The following UTRN variants were observed in gnomAD, a reference collection of about 807,000 sequenced individuals.
UTRN encodes dystrophin-related protein 1.
A neutral mutation model predicts 463.9 loss-of-function variants in UTRN; 283 were observed. The ratio of observed to expected loss-of-function variants is 0.61; its 90% confidence interval spans 0.55 to 0.67. The LOEUF is 0.67. Among genes scored for constraint, UTRN ranks in the 30% least tolerant of loss-of-function variants. The pLI, the probability that UTRN is intolerant of heterozygous loss-of-function variation, is 0.00. For synonymous variants in UTRN, 1,442 were observed against 1,431.5 expected (o/e 1.01, Z -0.17); for missense variants, 3,922 against 4,084.3 (o/e 0.96, Z 1.08).
At chr6:144,768,676 G>A (rs1051061548) in intron 58 of UTRN, among the ~76,000 whole-genome samples, 11 of 152,150 alleles carry the variant, frequency 7.2e-5, no homozygotes, top group African/African-American at 2.7e-4. Flanking sequence ...ATAATCAATT[G>A]CATTCCACTG....
At chr6:144,824,615 T>TATATATATATATA (rs1380172617) in intron 66 of UTRN, among the ~76,000 whole-genome samples, 2 of 30,740 alleles carry the variant, frequency 6.5e-5, no homozygotes, top group Non-Finnish European at 9.8e-5. Flanking sequence ...TATATATATC[T>TATATATATATATA]TTTTTTTTTT....
chr6:144,442,769 G>A (rs1229586252), intron 13 of UTRN, among the ~76,000 whole-genome samples: 1 of 152,202 alleles, frequency 6.6e-6, no homozygotes, highest in Non-Finnish European at 1.5e-5. Flanking sequence ...AACTGTGGTA[G>A]TTATAATGCA....
At chr6:144,695,066 GC>G (rs1783847349) in intron 52 of UTRN, among the ~76,000 whole-genome samples, 1 of 149,144 alleles carries the variant, frequency 6.7e-6, no homozygotes, top group Non-Finnish European at 1.5e-5. Flanking sequence ...TTCACATTAT[GC>G]TTTTATTGCG....
intron 53 of UTRN, among the ~76,000 whole-genome samples, chr6:144,727,219 C>T (rs1034105008): frequency 6.6e-6 from 1 of 152,158 alleles, no homozygotes. Context: ...GCCTTTATGT[C>T]CCGTCTTCTC....
At chr6:144,307,339 G>T (rs890849158) in intron 2 of UTRN, among the ~76,000 whole-genome samples, 1 of 152,126 alleles carries the variant, frequency 6.6e-6, no homozygotes, top group African/African-American at 2.4e-5. Context: ...GAGAGAAGAG[G>T]TTAACAATAA....
chr6:144,601,238 A>G (rs946615230), intron 51 of UTRN, among the ~76,000 whole-genome samples: 4 of 152,214 alleles, frequency 2.6e-5, no homozygotes, highest in Non-Finnish European at 4.4e-5. Context: ...TATTTAAGAA[A>G]TGTTTCATAA....
chr6:144,712,535 T>G (rs1189843412), intron 53 of UTRN, among the ~76,000 whole-genome samples: 1 of 152,234 alleles, frequency 6.6e-6, no homozygotes. Flanking sequence ...ATAATTTATT[T>G]TATCTAGCAG....
At chr6:144,322,795 T>C (rs1299504778) in intron 2 of UTRN, among the ~76,000 whole-genome samples, 1 of 151,890 alleles carries the variant, frequency 6.6e-6, no homozygotes, top group Non-Finnish European at 1.5e-5. Context: ...TATAAAAAAT[T>C]AGCCAGGCGT....
intron 52 of UTRN, among the ~76,000 whole-genome samples, chr6:144,693,388 T>C (rs906951891): frequency 5.9e-5 from 9 of 152,182 alleles, no homozygotes; most frequent in Admixed American, 2.0e-4. Flanking sequence ...TTTTTTGGTT[T>C]CATATGAATT....
chr6:144,289,009 A>G (rs1803965710), intron 1 of UTRN, among the ~76,000 whole-genome samples: 2 of 152,144 alleles, frequency 1.3e-5, no homozygotes, highest in African/African-American at 4.8e-5. Flanking sequence ...AGTGTTAGCC[A>G]GGTTGGTCTT....
In UTRN at chr6:144,565,027, A is replaced by G. The variant is rs1482911922; in HGVS notation, c.7289+7716A>G. Among the ~76,000 whole-genome samples the G allele has an allele frequency of 2.6e-5, 4 of 152,322 alleles. No homozygotes were observed. In the East Asian group the frequency reaches 7.7e-4, roughly 29 times the overall value. ...ATAGTAGAATAATTGCGAAGATCAG[A>G]AAGGAAGTGATGGTTGTGGTCCAAC... is the stretch of plus-strand genomic sequence containing the variant. On this transcript the variant is annotated intron_variant, in intron 50 of 74. Coordinates refer to ENST00000367545, the MANE Select transcript of UTRN (RefSeq NM_007124.3).
intron 28 of UTRN, among the ~76,000 whole-genome samples, chr6:144,487,234 C>T (rs1792552940): frequency 6.6e-6 from 1 of 152,060 alleles, no homozygotes; most frequent in South Asian, 2.1e-4. Flanking sequence ...AGTGGTATGA[C>T]AGCTCACTGC....
chr6:144,636,717 T>TATAG (rs1777214757), intron 51 of UTRN, among the ~76,000 whole-genome samples: 1 of 152,228 alleles, frequency 6.6e-6, no homozygotes. Flanking sequence ...TCCAGTGCTA[T>TATAG]ACATTGGGAT....
intron 73 of UTRN, among the ~76,000 whole-genome samples, chr6:144,842,959 A>C (rs541967697): frequency 5.9e-5 from 9 of 152,334 alleles, no homozygotes; most frequent in Non-Finnish European, 1.0e-4. Flanking sequence ...CTGTAACCAC[A>C]GTAATAGATA....
rs574644942 is a variant in UTRN, at chr6:144,628,046, G to A, written c.7480-50360G>A. 1.2e-4 allele frequency among the ~76,000 whole-genome samples: 18 copies of A among 152,156 alleles called. No individual in the cohort carries two copies. In the East Asian group the frequency reaches 2.9e-3, roughly 24 times the overall value. On this transcript the variant is annotated intron_variant, in intron 51 of 74. Coordinates refer to ENST00000367545, the MANE Select transcript of UTRN (RefSeq NM_007124.3). ...GAACTCCTGACCTCGTGATCCACCCGCCTCGGCCTCCCAAAGTGCTGGGAT... is the reference window on the plus strand; with the variant it reads ...GAACTCCTGACCTCGTGATCCACCCACCTCGGCCTCCCAAAGTGCTGGGAT...
intron 2 of UTRN, among the ~76,000 whole-genome samples, chr6:144,317,321 A>G (rs866141561): frequency 6.6e-6 from 1 of 152,246 alleles, no homozygotes; most frequent in South Asian, 2.1e-4. Context: ...TCATTTTAAA[A>G]AAAGAGAGAT....
At chr6:144,846,776 T>G (rs549358823) in intron 73 of UTRN, 29 bp from the exon 74 acceptor site, 1 of 1,614,028 alleles carries the variant, frequency 6.2e-7, no homozygotes, top group South Asian at 1.1e-5. Context: ...GGACTGCCAT[T>G]AAGTGATTTC....
At chr6:144,485,117 G>T (rs1319221860) in intron 27 of UTRN, among the ~76,000 whole-genome samples, 1 of 151,658 alleles carries the variant, frequency 6.6e-6, no homozygotes, top group Admixed American at 6.6e-5. Flanking sequence ...GTAGAGACAG[G>T]GTTTCACCGT....
intron 2 of UTRN, among the ~76,000 whole-genome samples, chr6:144,388,643 G>A (rs535975197): frequency 2.0e-5 from 3 of 152,100 alleles, no homozygotes; most frequent in East Asian, 3.9e-4. Context: ...GGACCATGGC[G>A]TGTGCTACCA....
Sources: gnomAD v4.1 joint callset for allele counts (sites outside exome capture counted in the v4.1 genomes callset) on GRCh38, gnomAD v4.1.1 for gene constraint, MANE v1.5 for transcripts, NCBI Gene and HGNC (gene_info 2026-07-23, HGNC 2026-07-21) for gene names.